MTIF2: variants seen among roughly 807,000 people sequenced by gnomAD.
MTIF2 encodes translation initiation factor IF-2, mitochondrial.
A neutral mutation model predicts 83.5 loss-of-function variants in MTIF2; 71 were observed. The ratio of observed to expected loss-of-function variants is 0.85; its 90% CI spans 0.70 to 1.04. The LOEUF (loss-of-function observed/expected upper bound fraction) is 1.04. Among genes scored for constraint, MTIF2 ranks in the 50% least tolerant of loss-of-function variants. The pLI, the probability that MTIF2 is intolerant of heterozygous loss-of-function variation, is 0.00. For synonymous variants in MTIF2, 319 were observed against 287.1 expected (o/e 1.11, Z -1.12); for missense variants, 957 against 846.5 (o/e 1.13, Z -1.62).
chr2:55,242,270 A>T (rs1249872844), intron 13 of MTIF2, among the ~76,000 whole-genome samples: 1 of 152,204 alleles, frequency 6.6e-6, no homozygotes, highest in Non-Finnish European at 1.5e-5. Flanking sequence ...TGTTACCTCT[A>T]TCCTTTTCAG....
At chr2:55,256,474 G>A (rs186574482) in intron 5 of MTIF2, among the ~76,000 whole-genome samples, 3 of 151,988 alleles carry the variant, frequency 2.0e-5, no homozygotes, top group South Asian at 2.1e-4. Flanking sequence ...TTGGGAGGCC[G>A]AGGCGGGCAG....
At chr2:55,257,498 G>A (rs1408412807) in intron 5 of MTIF2, among the ~76,000 whole-genome samples, 1 of 152,002 alleles carries the variant, frequency 6.6e-6, no homozygotes. Context: ...ATAAAAGGAA[G>A]AAAGCCATCC....
rs139756910 is a variant in MTIF2, at chr2:55,249,530, A to C, written c.846T>G (p.Pro282=). ...SIQHAKDAQV[P]IILAVNKCDK... Reference sequence around the variant, plus strand: ...CACATTTATTTACGGCAAGGATAATAGGAACTGAAAGAAATGGAGTTAAAA... The same window carrying C: ...CACATTTATTTACGGCAAGGATAATCGGAACTGAAAGAAATGGAGTTAAAA... The change falls in exon 9 of 16, where the codon CCT becomes CCG. Residue 282 remains proline, a synonymous_variant. Transcript: ENST00000263629. 36 of 1,613,364 alleles carry C rather than the reference A, an allele frequency of 2.2e-5. No homozygotes were observed. In the African/African-American group the frequency reaches 4.7e-4, roughly 21 times the overall value.
chr2:55,262,291 T>C (rs759617671), intron 5 of MTIF2, 25 bp downstream of exon 5: 2 of 1,499,546 alleles, frequency 1.3e-6, no homozygotes, highest in East Asian at 2.3e-5. Context: ...TCCCATATTT[T>C]GCTTTGTAAA....
chr2:55,237,951 A>G (rs976057857), intron 14 of MTIF2, among the ~76,000 whole-genome samples: 1 of 151,838 alleles, frequency 6.6e-6, no homozygotes, highest in Non-Finnish European at 1.5e-5. Flanking sequence ...GCACCCAGCC[A>G]TCTTTGCCTA....
intron 14 of MTIF2, among the ~76,000 whole-genome samples, chr2:55,237,649 C>CTTTTT (rs536036933): frequency 1.2e-4 from 13 of 112,984 alleles, no homozygotes; most frequent in Admixed American, 5.5e-4. Flanking sequence ...TTCTTTTTTT[C>CTTTTT]TTTTTTTTTT....
At chr2:55,257,283 G>A (rs778130906) in intron 5 of MTIF2, among the ~76,000 whole-genome samples, 14 of 151,984 alleles carry the variant, frequency 9.2e-5, no homozygotes, top group Non-Finnish European at 1.8e-4. Flanking sequence ...AGTTTGAGAC[G>A]AGCCTGGCCA....
chr2:55,237,641 CT>C (rs1421360886), intron 14 of MTIF2, among the ~76,000 whole-genome samples: 1 of 82,778 alleles, frequency 1.2e-5, no homozygotes, highest in Non-Finnish European at 2.3e-5. Context: ...TTTTCCTTTT[CT>C]TTTTTTCTTT....
Position 55,243,434 on chromosome 2 carries a change from G to A in MTIF2, c.1546C>T (p.Leu516Phe), listed in dbSNP as rs377518971. 42 of 1,606,326 alleles carry A rather than the reference G, an allele frequency of 2.6e-5. No individual in the cohort carries two copies. The highest frequency in any genetic ancestry group is 3.4e-5 in the Admixed American group (2 of 59,556). ...AAGATACCTTTAATAATCACAGAAAGTACATTTGAATCTCTTTCCCTTTTC... is the reference window on the plus strand; with the variant it reads ...AAGATACCTTTAATAATCACAGAAAATACATTTGAATCTCTTTCCCTTTTC... ...KEKRERDSNV[L>F]SVIIKGDVDG... Residue 516 changes from leucine (L) to phenylalanine (F), a missense_variant, in exon 12 of 16, where the codon CTT becomes TTT. Coordinates refer to ENST00000263629, the MANE Select transcript of MTIF2 (RefSeq NM_002453.3).
At chr2:55,264,667 C>T (rs546968409) in intron 3 of MTIF2, among the ~76,000 whole-genome samples, 4 of 152,272 alleles carry the variant, frequency 2.6e-5, no homozygotes, top group African/African-American at 7.2e-5. Context: ...TAGTTGGAAT[C>T]GTCTTTGAAC....
Position 55,236,616 on chromosome 2 carries a change from C to T in MTIF2, c.*32G>A, listed in dbSNP as rs1398973584. Reference sequence around the variant, plus strand: ...TGCATTTCTACCTTCAAACAAACAACACGTTGAGTTATTTACATTTTTAAT... The same window carrying T: ...TGCATTTCTACCTTCAAACAAACAATACGTTGAGTTATTTACATTTTTAAT... On this transcript the variant is annotated 3_prime_UTR_variant, in exon 16 of 16. Coordinates refer to ENST00000263629, the MANE Select transcript of MTIF2 (RefSeq NM_002453.3). 4 of 1,547,142 alleles carry T rather than the reference C, an allele frequency of 2.6e-6. No individual in the cohort carries two copies. The highest frequency in any genetic ancestry group is 4.6e-5 in the East Asian group (2 of 43,428).
intron 13 of MTIF2, among the ~76,000 whole-genome samples, chr2:55,240,726 T>C (rs910648104): frequency 3.3e-5 from 5 of 152,214 alleles, no homozygotes; most frequent in Non-Finnish European, 5.9e-5. Flanking sequence ...TTTAAACCCA[T>C]TCATTTAAGG....
At chr2:55,247,481 G>A (rs1676784741) in intron 9 of MTIF2, among the ~76,000 whole-genome samples, 1 of 152,138 alleles carries the variant, frequency 6.6e-6, no homozygotes, top group Admixed American at 6.5e-5. Context: ...TGAACCCAGA[G>A]GCAGAGGTTG....
intron 5 of MTIF2, among the ~76,000 whole-genome samples, chr2:55,255,839 T>A (rs538692324): frequency 3.3e-5 from 5 of 152,186 alleles, no homozygotes; most frequent in African/African-American, 1.2e-4. Context: ...GTTCTGCACA[T>A]GTCCAATAAT....
intron 4 of MTIF2, 50 bp from the exon 5 acceptor site, chr2:55,262,477 TGACAATTTA>T: frequency 8.3e-7 from 1 of 1,198,442 alleles, no homozygotes; most frequent in Non-Finnish European, 1.2e-6. Flanking sequence ...AAAACTTAAG[TGACAATTTA>T]GATTTATTCT....
intron 9 of MTIF2, among the ~76,000 whole-genome samples, chr2:55,247,453 T>G (rs1045630810): frequency 2.0e-5 from 3 of 152,092 alleles, no homozygotes; most frequent in African/African-American, 4.8e-5. Flanking sequence ...CTCAGGAGGC[T>G]GAGACAGGAA....
intron 8 of MTIF2, among the ~76,000 whole-genome samples, chr2:55,249,819 C>A (rs772738940): frequency 2.0e-5 from 3 of 152,034 alleles, no homozygotes; most frequent in Non-Finnish European, 2.9e-5. Flanking sequence ...GGGCTGGGTG[C>A]GGTGGCTCAT....
At chr2:55,241,799 C>T (rs923566055) in intron 13 of MTIF2, among the ~76,000 whole-genome samples, 2 of 151,718 alleles carry the variant, frequency 1.3e-5, no homozygotes, top group South Asian at 2.1e-4. Flanking sequence ...GCCAAGATTG[C>T]GCCATTGTAC....
At chr2:55,249,243 C>G (rs1015610374) in intron 9 of MTIF2, 152 bp downstream of exon 9, 2 of 968,724 alleles carry the variant, frequency 2.1e-6, no homozygotes, top group South Asian at 1.8e-5. Flanking sequence ...ACATGCCAAA[C>G]CAAGATAATA....
Sources: gnomAD v4.1 joint callset for allele counts (sites outside exome capture counted in the v4.1 genomes callset) on GRCh38, gnomAD v4.1.1 for gene constraint, MANE v1.5 for transcripts, NCBI Gene and HGNC (gene_info 2026-07-23, HGNC 2026-07-21) for gene names.